The following AP4E1 variants were observed in gnomAD, a reference collection of about 807,000 sequenced individuals.
AP4E1 encodes the protein AP-4 complex subunit epsilon-1.
AP4E1 carries 56 observed loss-of-function variants against 128.2 expected under a neutral mutation model. That is an observed-to-expected ratio of 0.44 (90% CI 0.35 to 0.55). The LOEUF (loss-of-function observed/expected upper bound fraction) is 0.55, where lower values mean the gene tolerates loss of function less well. Among genes scored for constraint, AP4E1 ranks in the 20% least tolerant of loss-of-function variants. AP4E1 has a pLI of 0.00. For synonymous variants in AP4E1, 484 were observed against 473.1 expected (o/e 1.02, Z -0.30); for missense variants, 1,324 against 1,307.7 (o/e 1.01, Z -0.19).
At position 50,984,064 on chromosome 15, in the gene AP4E1, G is replaced by A; in HGVS notation, c.2009G>A (p.Gly670Asp). 6.2e-7 allele frequency: 1 copy of A among 1,613,174 alleles called. No homozygotes were observed. ...TATGGACTCTCCTTTTCTTCATCTG[G>A]CTTCACTGGACGACAGTCTCCTGCT... ...EPYGLSFSSS[G>D]FTGRQSPAGI... The change falls in exon 16 of 21, where the codon GGC becomes GAC. Residue 670 changes from glycine (G) to aspartate (D), a missense_variant. Gly to Asp is a moderately conservative substitution (Grantham distance 94). Transcript: ENST00000261842.
intron 11 of AP4E1, 133 bp downstream of exon 11, chr15:50,948,292 C>A: frequency 2.6e-6 from 3 of 1,147,706 alleles, no homozygotes; most frequent in Non-Finnish European, 3.7e-6. Flanking sequence ...GATTTTCAAG[C>A]CTCTCTTGTC....
intron 11 of AP4E1, among the ~76,000 whole-genome samples, chr15:50,948,647 C>G (rs1019511351): frequency 6.6e-6 from 1 of 152,132 alleles, no homozygotes; most frequent in African/African-American, 2.4e-5. Context: ...AAGAACTTTA[C>G]AGGTCATAAG....
In AP4E1 at chr15:50,948,063, C is replaced by G; in HGVS notation, c.1220C>G (p.Thr407Arg). 6.2e-7 allele frequency: 1 copy of G among 1,610,608 alleles called. No individual in the cohort carries two copies. The highest frequency in any genetic ancestry group is 8.5e-7 in the Non-Finnish European group (1 of 1,177,038). ...AGAATTACTAATGCACAGAATATAA[C>G]AGTTATTGTCCAGAAAATGCTTGAA... ...LYRITNAQNI[T>R]VIVQKMLEYL... is the part of the protein sequence containing the mutation. Residue 407 changes from threonine to arginine, a missense_variant, in exon 11 of 21, where the codon ACA becomes AGA. Thr to Arg is a moderately conservative substitution (Grantham distance 71). Transcript: ENST00000261842.
chr15:50,912,197 C>CT lies in AP4E1; in HGVS notation c.222+48_222+49insT, dbSNP rs3214932. On this transcript the variant is annotated intron_variant, in intron 2 of 20. Coordinates refer to ENST00000261842, the MANE Select transcript of AP4E1 (RefSeq NM_007347.5). ...AACACATTTGAATTTGAAATCTAGT[C>CT]ACTGTGGACTCAATAGTGGCATCTA... 0.54 allele frequency: 820,277 copies of CT among 1,507,780 alleles called. 225,388 individuals are homozygous for CT. The highest frequency in any genetic ancestry group is 0.65 in the Admixed American group (38,938 of 59,818). The allele number at this position is 1,507,780 out of a possible 1,614,324, so 93.4% of individuals were successfully genotyped here. A position where few individuals can be genotyped will look rare whatever the true frequency, so the allele number is the denominator to read the frequency against.
intron 15 of AP4E1, 96 bp downstream of exon 15, chr15:50,968,473 A>G (rs2064427396): frequency 7.5e-6 from 7 of 930,610 alleles, no homozygotes; most frequent in Non-Finnish European, 1.2e-5. Context: ...TTTACTTTCT[A>G]TTATTTCTCT....
chr15:50,910,208 A>G (rs1433800409), intron 1 of AP4E1, among the ~76,000 whole-genome samples: 1 of 152,128 alleles, frequency 6.6e-6, no homozygotes. Flanking sequence ...GCTGGTCTTG[A>G]ACTGACCTCA....
chr15:50,984,749 A>G (rs1219472677), intron 16 of AP4E1, among the ~76,000 whole-genome samples: 1 of 152,082 alleles, frequency 6.6e-6, no homozygotes, highest in East Asian at 1.9e-4. Flanking sequence ...GCTATTGTGA[A>G]TAGTGCCGCA....
At chr15:50,986,356 T>C (rs1241891975) in intron 16 of AP4E1, among the ~76,000 whole-genome samples, 1 of 151,962 alleles carries the variant, frequency 6.6e-6, no homozygotes, top group East Asian at 1.9e-4. Flanking sequence ...TGAATAGGAG[T>C]GGTGAGAGAG....
rs747952550 is a variant in AP4E1, at chr15:50,993,362, C to T, written c.2091-8C>T. On this transcript the variant is annotated splice_polypyrimidine_tract_variant and splice_region_variant and intron_variant, in intron 16 of 20. Coordinates refer to ENST00000261842, the MANE Select transcript of AP4E1 (RefSeq NM_007347.5). ...AAGTTGACTTGATTTTATTATCAACCTCCTTAGGACAAATAGCTTGAAGCT... is the reference window on the plus strand; with the variant it reads ...AAGTTGACTTGATTTTATTATCAACTTCCTTAGGACAAATAGCTTGAAGCT... 15 of 1,613,570 alleles carry T rather than the reference C, an allele frequency of 9.3e-6. No individual in the cohort carries two copies. In the East Asian group the frequency reaches 2.7e-4, roughly 29 times the overall value.
At chr15:50,942,618 A>G (rs1596473161) in intron 10 of AP4E1, among the ~76,000 whole-genome samples, 1 of 149,206 alleles carries the variant, frequency 6.7e-6, no homozygotes, top group Admixed American at 6.7e-5. Flanking sequence ...TATATATAAC[A>G]TAGCATATAC....
chr15:50,958,629 A>G lies in AP4E1; in HGVS notation c.1686A>G (p.Thr562=). 6.2e-7 allele frequency: 1 copy of G among 1,614,198 alleles called. No individual in the cohort carries two copies. Among genetic ancestry groups the G allele is most frequent in the Non-Finnish European group, 8.5e-7 (1 of 1,180,018 alleles). ...TAATTGCTGCTGTGACCAAATTGAC[A>G]TCTCAGGCGCACTCTTCTAATACAG... ...AWLIAAVTKL[T]SQAHSSNTVE... The change falls in exon 14 of 21, where the codon ACA becomes ACG. Residue 562 remains threonine, a synonymous_variant. Coordinates refer to ENST00000261842, the MANE Select transcript of AP4E1 (RefSeq NM_007347.5).
chr15:50,977,412 CA>C (rs2064566736), intron 15 of AP4E1, among the ~76,000 whole-genome samples: 1 of 152,116 alleles, frequency 6.6e-6, no homozygotes, highest in Non-Finnish European at 1.5e-5. Context: ...CCCATAGAAC[CA>C]CATTATAAAT....
At chr15:51,000,010 T>C (rs2064939171) in intron 19 of AP4E1, among the ~76,000 whole-genome samples, 1 of 152,134 alleles carries the variant, frequency 6.6e-6, no homozygotes, top group Non-Finnish European at 1.5e-5. Context: ...TGTATTGTAC[T>C]GTTTTTGAAC....
intron 16 of AP4E1, among the ~76,000 whole-genome samples, chr15:50,984,878 A>G (rs77485085): frequency 0.43 from 65,161 of 151,020 alleles, 14,152 homozygotes; most frequent in East Asian, 0.59. Context: ...TTGAGGAATC[A>G]CCACACTGTC....
chr15:50,977,016 A>G (rs2064561244), intron 15 of AP4E1, among the ~76,000 whole-genome samples: 1 of 152,206 alleles, frequency 6.6e-6, no homozygotes. Flanking sequence ...TCTCTTTCAA[A>G]GTGTAATCAG....
At chr15:50,986,038 G>T (rs1397298182) in intron 16 of AP4E1, among the ~76,000 whole-genome samples, 1 of 152,152 alleles carries the variant, frequency 6.6e-6, no homozygotes, top group African/African-American at 2.4e-5. Flanking sequence ...TTGCTTGTAA[G>T]TTGGATTCCT....
In AP4E1 at chr15:50,984,057, T is replaced by C. The variant is rs754328249; in HGVS notation, c.2002T>C (p.Ser668Pro). ...NFEPYGLSFS[S>P]SGFTGRQSPA... ...TGAACCATATGGACTCTCCTTTTCT[T>C]CATCTGGCTTCACTGGACGACAGTC... Residue 668 changes from serine (S) to proline (P), a missense_variant, in exon 16 of 21, where the codon TCA becomes CCA. Coordinates refer to ENST00000261842, the MANE Select transcript of AP4E1 (RefSeq NM_007347.5). 4 of 1,613,448 alleles carry C rather than the reference T, an allele frequency of 2.5e-6. No individual in the cohort carries two copies. Among genetic ancestry groups the C allele is most frequent in the African/African-American group, 1.3e-5 (1 of 75,016 alleles).
rs2140942219 is a variant in AP4E1, at chr15:51,003,494, A to G, written c.*832A>G. 1 of 152,416 alleles carries G rather than the reference A, an allele frequency of 6.6e-6. No individual in the cohort carries two copies. Among genetic ancestry groups the G allele is most frequent in the East Asian group, 1.9e-4 (1 of 5,194 alleles). The allele number at this position is 152,416 out of a possible 1,614,324, so 9.4% of individuals were successfully genotyped here. A position where few individuals can be genotyped will look rare whatever the true frequency, so the allele number is the denominator to read the frequency against. On this transcript the variant is annotated 3_prime_UTR_variant, in exon 21 of 21. Transcript: ENST00000261842. Reference sequence around the variant, plus strand: ...ACTACTTAGGTCCTTTTGGCAAATGAAAATTTGTGATTAGAGTATAAATGG... The same window carrying G: ...ACTACTTAGGTCCTTTTGGCAAATGGAAATTTGTGATTAGAGTATAAATGG...
rs1405781028 is a variant in AP4E1, at chr15:50,912,084, GA to G, written c.162del (p.Lys54AsnfsTer2). The G allele has an allele frequency of 1.2e-6, 2 of 1,613,844 alleles. No individual in the cohort carries two copies. Among genetic ancestry groups the G allele is most frequent in the South Asian group, 2.2e-5 (2 of 91,064 alleles). On this transcript the variant is annotated frameshift_variant, in exon 2 of 21. Coordinates refer to ENST00000261842, the MANE Select transcript of AP4E1 (RefSeq NM_007347.5). LOFTEE classifies it high-confidence loss of function. ...ITALTSKHEE[E>X]KLIQQELSSL... is the part of the protein sequence containing the mutation. ...AATATTTTCACTTTCTCAGGAAGAA[GA>G]AAAATTAATCCAGCAGGAACTGAGT...
Sources: allele counts gnomAD v4.1 joint callset (sites outside exome capture counted in the v4.1 genomes callset), GRCh38; gene constraint gnomAD v4.1.1; transcripts MANE v1.5; gene names NCBI Gene and HGNC (gene_info 2026-07-23, HGNC 2026-07-21).